The following LGALS9 variants were observed in gnomAD, a reference collection of about 807,000 sequenced individuals.
The protein encoded by LGALS9 is galectin 9.
In LGALS9, 26 loss-of-function variants were observed where a neutral mutation model predicts 35.9. That is an observed-to-expected ratio of 0.72 (90% confidence interval 0.53 to 1.01). The LOEUF is 1.01. LGALS9 is among the 50% of genes least tolerant of loss of function. The probability of loss-of-function intolerance (pLI) is 0.00; values close to 1 mark genes in which losing one functional copy is unlikely to be tolerated. For synonymous variants in LGALS9, 149 were observed against 172.2 expected, an observed-to-expected ratio of 0.87 and a Z score of 1.06; for missense variants, 347 against 445.8, an observed-to-expected ratio of 0.78 and a Z score of 1.99.
Position 27,642,803 on chromosome 17 carries a change from A to G in LGALS9, c.444+455A>G, listed in dbSNP as rs548022815. On this transcript the variant is annotated intron_variant, in intron 4 of 10. Coordinates refer to ENST00000395473, the MANE Select transcript of LGALS9 (RefSeq NM_009587.3). ...CCCCCCATGGGTGGTTGTGTGGTTC[A>G]GTGAGGAGACAGATATCAGAGGTCA... Among the ~76,000 whole-genome samples, 9 of 152,332 alleles carry G rather than the reference A, an allele frequency of 5.9e-5. No individual in the cohort carries two copies. In the South Asian group the frequency reaches 1.2e-3, roughly 21 times the overall value.
intron 1 of LGALS9, among the ~76,000 whole-genome samples, chr17:27,634,274 C>T (rs1411079442): frequency 1.3e-5 from 2 of 152,202 alleles, no homozygotes; most frequent in African/African-American, 4.8e-5. Context: ...TTTGGCTGGG[C>T]CCAGTGGCTC....
intron 4 of LGALS9, 22 bp downstream of exon 4, chr17:27,642,370 C>T (rs765977571): frequency 1.7e-5 from 27 of 1,611,530 alleles, no homozygotes; most frequent in Middle Eastern, 2.2e-4. Flanking sequence ...CACCTGGCAC[C>T]GGTCCCAGGG....
rs777650449 is a variant in LGALS9, at chr17:27,646,611, C to T, written c.669+23C>T. 5.6e-6 allele frequency: 9 copies of T among 1,612,852 alleles called. No individual in the cohort carries two copies. The South Asian group carries it at 6.6e-5, about 12-fold the overall frequency. On this transcript the variant is annotated intron_variant, in intron 8 of 10. Coordinates refer to ENST00000395473, the MANE Select transcript of LGALS9 (RefSeq NM_009587.3). ...TATGTAAGTGGTTTCTCAGGGAGGGCAGAGGTTCTGTTTGTGGTGGGCAGG... is the reference window on the plus strand; with the variant it reads ...TATGTAAGTGGTTTCTCAGGGAGGGTAGAGGTTCTGTTTGTGGTGGGCAGG...
intron 10 of LGALS9, among the ~76,000 whole-genome samples, chr17:27,647,925 C>A (rs997262373): frequency 2.8e-4 from 43 of 152,226 alleles, no homozygotes; most frequent in African/African-American, 1.0e-3. Flanking sequence ...CAAAACAGAG[C>A]GATGAGATAG....
In LGALS9 at chr17:27,647,330, T is replaced by A; in HGVS notation, c.819T>A (p.Asp273Glu). The A allele has an allele frequency of 1.9e-6, 3 of 1,614,152 alleles. No homozygotes were observed. The highest frequency in any genetic ancestry group is 2.5e-6 in the Non-Finnish European group (3 of 1,180,018). The change falls in exon 10 of 11, where the codon GAT becomes GAA. Residue 273 changes from aspartate (D) to glutamate (E), a missense_variant. Transcript: ENST00000395473. Reference protein sequence around the residue: ...HIAFHLNPRFDENAVVRNTQI... With the variant: ...HIAFHLNPRFEENAVVRNTQI... ...CCTTCCACCTGAACCCCCGTTTTGA[T>A]GAGAATGCTGTGGTCCGCAACACCC...
intron 4 of LGALS9, among the ~76,000 whole-genome samples, chr17:27,642,983 GCTTGAGCCCAGGAATTAGAGTTCTGT>G (rs1452207215): frequency 6.6e-6 from 1 of 152,176 alleles, no homozygotes; most frequent in Non-Finnish European, 1.5e-5. Context: ...TGGGAGAATT[GCTTGAGCCCAGGAATTAGAGTTCTGT>G]CTGGGCAAAA....
At chr17:27,640,948 T>TAC in intron 3 of LGALS9, 175 bp downstream of exon 3, 1 of 992,036 alleles carries the variant, frequency 1.0e-6, no homozygotes, top group African/African-American at 1.6e-5. Context: ...CTTATGCACC[T>TAC]TCATCTGAAT....
In LGALS9 at chr17:27,642,261, C is replaced by G. The variant is rs760284183; in HGVS notation, c.357C>G (p.Phe119Leu). Residue 119 changes from phenylalanine (F) to leucine (L), a missense_variant, in exon 4 of 11, where the codon TTC becomes TTG. Coordinates refer to ENST00000395473, the MANE Select transcript of LGALS9 (RefSeq NM_009587.3). ...AGGTGATGGTGAACGGGATCCTCTT[C>G]GTGCAGTACTTCCACCGCGTGCCCT... ...DFKVMVNGIL[F>L]VQYFHRVPFH... 6.2e-7 allele frequency: 1 copy of G among 1,612,984 alleles called. No homozygotes were observed. The highest frequency in any genetic ancestry group is 1.3e-5 in the African/African-American group (1 of 74,886).
chr17:27,649,202 C>A lies in LGALS9; in HGVS notation c.*220C>A. 1.5e-6 allele frequency: 1 copy of A among 680,266 alleles called. No homozygotes were observed. Among genetic ancestry groups the A allele is most frequent in the Non-Finnish European group, 2.5e-6 (1 of 401,552 alleles). 42.1% of individuals were successfully genotyped at this position (680,266 alleles called of 1,614,324 possible). On this transcript the variant is annotated 3_prime_UTR_variant, in exon 11 of 11. Coordinates refer to ENST00000395473, the MANE Select transcript of LGALS9 (RefSeq NM_009587.3). ...TCCTCAGCCGCAGCAGCACCTGGGG[C>A]TCCAGCTGCTGGAATCCTACCATCC...
At chr17:27,638,996 C>T (rs73985497) in intron 2 of LGALS9, among the ~76,000 whole-genome samples, 1,613 of 152,262 alleles carry the variant, frequency 0.011, 33 homozygotes, top group African/African-American at 0.037. Context: ...GTGTGCAGCT[C>T]TCTCCTGGTT....
rs1278402600 is a variant in LGALS9 at position 27,642,212 on chromosome 17, C to G, written c.334-26C>G. 1.7e-5 allele frequency: 26 copies of G among 1,556,694 alleles called. 5 individuals carry two copies. The highest frequency in any genetic ancestry group is 2.3e-5 in the Non-Finnish European group (26 of 1,134,626). On this transcript the variant is annotated intron_variant, in intron 3 of 10. Transcript: ENST00000395473. ...CCCATCCCAGCCTGGGATGCCTCCC[C>G]CAGAACATGTGCTCTCCTCTGGCAG...
intron 2 of LGALS9, among the ~76,000 whole-genome samples, chr17:27,640,037 A>ATTT: frequency 6.7e-6 from 1 of 148,740 alleles, no homozygotes; most frequent in Middle Eastern, 3.5e-3. Flanking sequence ...TGCCCAGCCA[A>ATTT]TTTTTTTTTT....
chr17:27,640,319 A>G, intron 2 of LGALS9: 1 of 567,258 alleles, frequency 1.8e-6, no homozygotes, highest in East Asian at 3.3e-5. Flanking sequence ...GTTTGCTAAT[A>G]CCAGCACTTT....
rs1011331133 is a variant in LGALS9, at chr17:27,645,994, G to A, written c.627+83G>A. On this transcript the variant is annotated intron_variant, in intron 7 of 10. Transcript: ENST00000395473. The stretch of plus-strand genomic sequence containing the variant: ...CTAAACTCCCTAGAGCCCTAGAGTC[G>A]GGAAGAAAGCGGTTTAGCAAGGAGG... The A allele has an allele frequency of 7.0e-5, 112 of 1,600,776 alleles. No individual in the cohort carries two copies. The East Asian group carries it at 1.2e-3, about 17-fold the overall frequency.
At chr17:27,633,613 C>T (rs1249328840) in intron 1 of LGALS9, among the ~76,000 whole-genome samples, 3 of 152,234 alleles carry the variant, frequency 2.0e-5, no homozygotes, top group Non-Finnish European at 4.4e-5. Flanking sequence ...TCTAGACTTC[C>T]AGATAAGAAG....
chr17:27,633,615 G>A (rs561841237), intron 1 of LGALS9, among the ~76,000 whole-genome samples: 1 of 152,360 alleles, frequency 6.6e-6, no homozygotes, highest in African/African-American at 2.4e-5. Flanking sequence ...TAGACTTCCA[G>A]ATAAGAAGAG....
chr17:27,631,299 A>C lies in LGALS9; in HGVS notation c.34A>C (p.Ser12Arg), dbSNP rs760501289. 1 of 1,614,132 alleles carries C rather than the reference A, an allele frequency of 6.2e-7. No individual in the cohort carries two copies. Among genetic ancestry groups the C allele is most frequent in the Non-Finnish European group, 8.5e-7 (1 of 1,179,990 alleles). Residue 12 changes from serine to arginine, a missense_variant, in exon 1 of 11, where the codon AGT (serine) becomes CGT (arginine). Transcript: ENST00000395473. ...AFSGSQAPYL[S>R]PAVPFSGTIQ... Reference sequence around the variant, plus strand: ...CAGCGGTTCCCAGGCTCCCTACCTGAGTCCAGTGAGTTCCAGGGCTATGGG... The same window carrying C: ...CAGCGGTTCCCAGGCTCCCTACCTGCGTCCAGTGAGTTCCAGGGCTATGGG...
chr17:27,643,945 T>C, intron 5 of LGALS9: 1 of 310,604 alleles, frequency 3.2e-6, no homozygotes, highest in Non-Finnish European at 6.0e-6. Flanking sequence ...ACTGCCACAG[T>C]GACCTTCTTA....
At position 27,631,243 on chromosome 17, in the gene LGALS9, G is replaced by A; in HGVS notation, c.-23G>A. On this transcript the variant is annotated 5_prime_UTR_variant, in exon 1 of 11. In the 5' UTR this introduces an upstream ATG that the reference lacks. Coordinates refer to ENST00000395473, the MANE Select transcript of LGALS9 (RefSeq NM_009587.3). ...TTCCTAGTGGGTGTGAAAGGCAGCG[G>A]TGGCCACAGAGGCGGCGGAGAGATG... 1 of 1,614,160 alleles carries A rather than the reference G, an allele frequency of 6.2e-7. No homozygotes were observed. Among genetic ancestry groups the A allele is most frequent in the Non-Finnish European group, 8.5e-7 (1 of 1,180,012 alleles).
Sources: allele counts gnomAD v4.1 joint callset (sites outside exome capture counted in the v4.1 genomes callset), GRCh38; gene constraint gnomAD v4.1.1; transcripts MANE v1.5; gene names NCBI Gene and HGNC (gene_info 2026-07-23, HGNC 2026-07-21).